Variants in NKAIN2 observed in about 807,000 individuals in gnomAD.
NKAIN2 encodes the protein sodium/potassium-transporting ATPase subunit beta-1-interacting protein 2.
Under a neutral mutation model 32.6 loss-of-function variants are expected in NKAIN2, and 14 were observed. The observed-to-expected ratio is 0.43, with a 90% confidence interval of 0.28 to 0.67. The LOEUF is 0.67. Ranked by LOEUF, NKAIN2 falls within the 30% of genes least tolerant of loss-of-function variation. The pLI is 0.17. For synonymous variants in NKAIN2, 80 were observed against 87.2 expected, an observed-to-expected ratio of 0.92 and a Z score of 0.46; for missense variants, 198 against 258.3, an observed-to-expected ratio of 0.77 and a Z score of 1.60.
chr6:123,883,894 CAAAAAAA>C (rs369070419), intron 1 of NKAIN2, among the ~76,000 whole-genome samples: 7 of 63,864 alleles, frequency 1.1e-4, no homozygotes, highest in Middle Eastern at 9.3e-3. Context: ...GACTCTGTCT[CAAAAAAA>C]AAAAAAAAAA....
At chr6:124,682,300 GACCT>G (rs1275634413) in intron 4 of NKAIN2, among the ~76,000 whole-genome samples, 1 of 152,056 alleles carries the variant, frequency 6.6e-6, no homozygotes, top group Non-Finnish European at 1.5e-5. Context: ...TAGGAAGGAT[GACCT>G]TGTAGTCATA....
At chr6:124,560,744 G>A (rs375449914) in intron 3 of NKAIN2, among the ~76,000 whole-genome samples, 1 of 152,128 alleles carries the variant, frequency 6.6e-6, no homozygotes, top group Non-Finnish European at 1.5e-5. Flanking sequence ...CCTTCTTAGC[G>A]AGTTTTGTTG....
intron 3 of NKAIN2, among the ~76,000 whole-genome samples, chr6:124,594,761 G>A (rs1028005236): frequency 2.0e-5 from 3 of 152,120 alleles, no homozygotes; most frequent in African/African-American, 7.2e-5. Flanking sequence ...AGAGGACAGT[G>A]AGGGGATCCA....
intron 4 of NKAIN2, among the ~76,000 whole-genome samples, chr6:124,681,423 T>C (rs935545198): frequency 6.6e-6 from 1 of 152,046 alleles, no homozygotes; most frequent in Non-Finnish European, 1.5e-5. Flanking sequence ...AACAAACCCC[T>C]GATTGAATAT....
intron 4 of NKAIN2, among the ~76,000 whole-genome samples, chr6:124,710,463 C>G (rs1372609510): frequency 3.3e-5 from 5 of 151,760 alleles, no homozygotes; most frequent in South Asian, 2.1e-4. Context: ...GCGTGGGAGT[C>G]TAAGTCTCTT....
chr6:124,229,497 T>C (rs960286757), intron 1 of NKAIN2, among the ~76,000 whole-genome samples: 19 of 127,176 alleles, frequency 1.5e-4, no homozygotes, highest in African/African-American at 3.2e-4. Flanking sequence ...GATAGATAGA[T>C]AGACAGATAG....
intron 1 of NKAIN2, among the ~76,000 whole-genome samples, chr6:124,095,263 T>C (rs921361939): frequency 2.0e-5 from 3 of 152,110 alleles, no homozygotes; most frequent in African/African-American, 4.8e-5. Context: ...TCAATTAATT[T>C]AATCTAATTT....
chr6:124,412,507 ATGC>A (rs1380868142), intron 3 of NKAIN2, among the ~76,000 whole-genome samples: 1 of 152,108 alleles, frequency 6.6e-6, no homozygotes, highest in Non-Finnish European at 1.5e-5. Context: ...TGAACCGCAA[ATGC>A]TGCTGCCTGA....
At chr6:124,157,008 C>G (rs954500716) in intron 1 of NKAIN2, among the ~76,000 whole-genome samples, 1 of 139,988 alleles carries the variant, frequency 7.1e-6, no homozygotes, top group South Asian at 2.3e-4. Flanking sequence ...GAGGCTAAGC[C>G]AGGAGAATTG....
At chr6:123,825,828 G>C in intron 1 of NKAIN2, among the ~76,000 whole-genome samples, 1 of 152,056 alleles carries the variant, frequency 6.6e-6, no homozygotes, top group South Asian at 2.1e-4. Flanking sequence ...GGTATGATAC[G>C]TGTTTTCAAA....
At position 124,095,074 on chromosome 6, in the gene NKAIN2, A is replaced by G. The variant is rs73563138; in HGVS notation, c.55-187931A>G. On this transcript the variant is annotated intron_variant, in intron 1 of 6. Transcript: ENST00000368417. ...GTAAAAATGTGGTGAAGAATTTAGAAATTCTTCTTCAAAAGTAGTCTCTGA... is the reference window on the plus strand; with the variant it reads ...GTAAAAATGTGGTGAAGAATTTAGAGATTCTTCTTCAAAAGTAGTCTCTGA... Among the ~76,000 whole-genome samples the G allele has an allele frequency of 9.9e-3, 1,502 of 152,252 alleles. 19 individuals are homozygous for G. Among genetic ancestry groups the G allele is most frequent in the African/African-American group, 0.034 (1,432 of 41,548 alleles).
intron 3 of NKAIN2, among the ~76,000 whole-genome samples, chr6:124,505,501 AAAG>A (rs1778441153): frequency 6.6e-6 from 1 of 152,216 alleles, no homozygotes. Flanking sequence ...TATTGCAGAG[AAAG>A]AAGAAGCTTT....
At chr6:124,641,452 T>A (rs1298275639) in intron 3 of NKAIN2, among the ~76,000 whole-genome samples, 1 of 148,258 alleles carries the variant, frequency 6.7e-6, no homozygotes, top group Non-Finnish European at 1.5e-5. Context: ...AGCAATGAAC[T>A]TTAAATATTT....
intron 2 of NKAIN2, among the ~76,000 whole-genome samples, chr6:124,349,890 G>A (rs776347749): frequency 8.3e-4 from 126 of 152,184 alleles, no homozygotes; most frequent in Non-Finnish European, 1.6e-3. Flanking sequence ...CCATTTCCCT[G>A]GATTCTCAAG....
At chr6:124,806,013 T>A (rs538163245) in intron 5 of NKAIN2, among the ~76,000 whole-genome samples, 1 of 152,266 alleles carries the variant, frequency 6.6e-6, no homozygotes, top group East Asian at 1.9e-4. Flanking sequence ...CTACGTCTGA[T>A]TGGTGTACCT....
At chr6:123,830,786 G>A (rs1245024161) in intron 1 of NKAIN2, among the ~76,000 whole-genome samples, 1 of 152,148 alleles carries the variant, frequency 6.6e-6, no homozygotes, top group Non-Finnish European at 1.5e-5. Context: ...GCTCAATTTT[G>A]TCTGTCCAGC....
intron 1 of NKAIN2, among the ~76,000 whole-genome samples, chr6:123,806,874 G>C (rs536993486): frequency 1.1e-3 from 163 of 152,146 alleles, no homozygotes; most frequent in African/African-American, 3.8e-3. Context: ...TCGGAGCAAA[G>C]TATTTGTATT....
At chr6:124,369,364 A>C (rs559464464) in intron 3 of NKAIN2, among the ~76,000 whole-genome samples, 1 of 152,280 alleles carries the variant, frequency 6.6e-6, no homozygotes, top group Non-Finnish European at 1.5e-5. Flanking sequence ...ACACCACTGT[A>C]ATTTTCTGAA....
intron 1 of NKAIN2, among the ~76,000 whole-genome samples, chr6:124,226,367 G>A (rs1004426581): frequency 6.6e-6 from 1 of 151,918 alleles, no homozygotes; most frequent in African/African-American, 2.4e-5. Context: ...TTTTCAAGAA[G>A]CACAGTTTCT....
Sources: gnomAD v4.1 joint callset for allele counts (sites outside exome capture counted in the v4.1 genomes callset) on GRCh38, gnomAD v4.1.1 for gene constraint, MANE v1.5 for transcripts, NCBI Gene and HGNC (gene_info 2026-07-23, HGNC 2026-07-21) for gene names.